Variants in RBFOX1 observed in about 807,000 individuals in gnomAD.
The protein encoded by RBFOX1 is RNA binding protein fox-1 homolog 1.
RBFOX1 carries 8 observed loss-of-function variants against 57.7 expected under a neutral mutation model. The observed-to-expected ratio is 0.14, with a 90% CI of 0.08 to 0.25. The LOEUF (loss-of-function observed/expected upper bound fraction) is 0.25, where lower values mean the gene tolerates loss of function less well. RBFOX1 is among the 10% of genes least tolerant of loss of function. The pLI is 1.00. For synonymous variants in RBFOX1, 326 were observed against 222.4 expected (o/e 1.47, Z -4.15); for missense variants, 611 against 548.5 (o/e 1.11, Z -1.14).
At chr16:5,993,340 CGTGTGTGTGTGTGTGTGTGTGTGTGTGT>C (rs58189800) in intron 4 of RBFOX1, among the ~76,000 whole-genome samples, 2 of 132,866 alleles carry the variant, frequency 1.5e-5, no homozygotes, top group East Asian at 2.3e-4. Flanking sequence ...TAATGCTGTA[CGTGTGTGTGTGTGTGTGTGTGTGTGTGT>C]GTGTGTGTGT....
At chr16:7,031,729 A>G (rs988579765) in intron 3 of RBFOX1, among the ~76,000 whole-genome samples, 9 of 152,210 alleles carry the variant, frequency 5.9e-5, no homozygotes, top group Non-Finnish European at 1.3e-4. Context: ...TTTTTAAAAT[A>G]CTATACTCTG....
intron 4 of RBFOX1, among the ~76,000 whole-genome samples, chr16:7,209,381 C>T (rs1468163891): frequency 6.6e-6 from 1 of 152,032 alleles, no homozygotes; most frequent in African/African-American, 2.4e-5. Flanking sequence ...ATAAGGACAC[C>T]AGTTAGATTA....
At chr16:6,002,412 C>A (rs1043837089) in intron 4 of RBFOX1, among the ~76,000 whole-genome samples, 1 of 152,188 alleles carries the variant, frequency 6.6e-6, no homozygotes, top group Admixed American at 6.5e-5. Context: ...TCTGGCTGTG[C>A]GTACTAGTTA....
chr16:6,790,567 A>G (rs1386966303), intron 3 of RBFOX1, among the ~76,000 whole-genome samples: 1 of 152,074 alleles, frequency 6.6e-6, no homozygotes. Flanking sequence ...TATTCCCCCA[A>G]ACCATTGTTT....
intron 4 of RBFOX1, among the ~76,000 whole-genome samples, chr16:7,265,676 T>C (rs2095101866): frequency 2.0e-5 from 3 of 152,220 alleles, no homozygotes. Flanking sequence ...CTGAAACTCC[T>C]GACCTCAGGT....
intron 3 of RBFOX1, among the ~76,000 whole-genome samples, chr16:6,768,157 A>T (rs935466530): frequency 6.6e-6 from 1 of 151,928 alleles, no homozygotes; most frequent in African/African-American, 2.4e-5. Flanking sequence ...AGATTGTAAC[A>T]CTGCACTTCA....
At chr16:5,971,793 C>T (rs367882225) in intron 4 of RBFOX1, among the ~76,000 whole-genome samples, 3 of 152,048 alleles carry the variant, frequency 2.0e-5, no homozygotes, top group Non-Finnish European at 2.9e-5. Flanking sequence ...CATGGGGTGC[C>T]CAGATATTTG....
At chr16:6,901,156 C>T (rs2068385749) in intron 3 of RBFOX1, among the ~76,000 whole-genome samples, 2 of 152,122 alleles carry the variant, frequency 1.3e-5, no homozygotes, top group African/African-American at 4.8e-5. Flanking sequence ...TCTTTCATGT[C>T]TCCCATCCTA....
chr16:5,849,371 C>T (rs1266040114), intron 3 of RBFOX1, among the ~76,000 whole-genome samples: 1 of 152,050 alleles, frequency 6.6e-6, no homozygotes, highest in Non-Finnish European at 1.5e-5. Context: ...CCATGAGGCC[C>T]TGCTTCCTCA....
At chr16:5,784,286 G>C (rs1385097772) in intron 3 of RBFOX1, among the ~76,000 whole-genome samples, 1 of 152,196 alleles carries the variant, frequency 6.6e-6, no homozygotes, top group African/African-American at 2.4e-5. Flanking sequence ...AATTAGCTGG[G>C]CGTGGTGGCT....
chr16:6,351,534 C>T (rs2086398709), intron 2 of RBFOX1, among the ~76,000 whole-genome samples: 1 of 151,566 alleles, frequency 6.6e-6, no homozygotes, highest in Non-Finnish European at 1.5e-5. Context: ...CCACCCTGCC[C>T]AGCTAACTTT....
intron 4 of RBFOX1, among the ~76,000 whole-genome samples, chr16:5,935,803 C>A (rs980757052): frequency 6.6e-6 from 1 of 152,196 alleles, no homozygotes; most frequent in African/African-American, 2.4e-5. Context: ...CATCCAATGG[C>A]TAGTTTATCT....
chr16:7,247,530 TG>T (rs2153000574), intron 4 of RBFOX1, among the ~76,000 whole-genome samples: 1 of 152,312 alleles, frequency 6.6e-6, no homozygotes, highest in African/African-American at 2.4e-5. Flanking sequence ...TAAGACCCTG[TG>T]CCTGCCACAA....
chr16:5,751,291 T>C (rs1293957019), intron 3 of RBFOX1, among the ~76,000 whole-genome samples: 3 of 152,196 alleles, frequency 2.0e-5, no homozygotes, highest in Non-Finnish European at 4.4e-5. Flanking sequence ...CTGGGCATTA[T>C]GCATTTCACT....
intron 3 of RBFOX1, among the ~76,000 whole-genome samples, chr16:6,916,050 C>G (rs1259617906): frequency 1.3e-5 from 2 of 151,964 alleles, no homozygotes; most frequent in Non-Finnish European, 2.9e-5. Context: ...GACAGAGCTC[C>G]ACACTGCTAC....
rs933875986 is a variant in RBFOX1, at chr16:7,529,576, A to G, written c.270+11187A>G. 2.0e-5 allele frequency among the ~76,000 whole-genome samples: 3 copies of G among 152,292 alleles called. No homozygotes were observed. In the East Asian group the frequency reaches 5.8e-4, roughly 29 times the overall value. On this transcript the variant is annotated intron_variant, in intron 5 of 15. Coordinates refer to ENST00000550418, the MANE Select transcript of RBFOX1 (RefSeq NM_018723.4). ...ACATATTTCCACTGCAAATGTTTAG[A>G]TTTCTTTCTTCTTAAGAATAGCAGC...
intron 4 of RBFOX1, among the ~76,000 whole-genome samples, chr16:7,278,051 C>T (rs1016974743): frequency 1.3e-5 from 2 of 151,984 alleles, no homozygotes; most frequent in Admixed American, 6.6e-5. Flanking sequence ...GCTAGCATTG[C>T]CTATCATTCA....
At chr16:7,243,622 A>T (rs1395110330) in intron 4 of RBFOX1, among the ~76,000 whole-genome samples, 1 of 152,114 alleles carries the variant, frequency 6.6e-6, no homozygotes, top group Non-Finnish European at 1.5e-5. Context: ...ATAATAGCTC[A>T]CTATAGCCTC....
At chr16:5,725,145 C>A (rs769723545) in intron 3 of RBFOX1, among the ~76,000 whole-genome samples, 1 of 152,146 alleles carries the variant, frequency 6.6e-6, no homozygotes, top group Non-Finnish European at 1.5e-5. Flanking sequence ...AGGCCTGATA[C>A]CTGTTGCAGA....
Sources: allele counts gnomAD v4.1 joint callset (sites outside exome capture counted in the v4.1 genomes callset), GRCh38; gene constraint gnomAD v4.1.1; transcripts MANE v1.5; gene names NCBI Gene and HGNC (gene_info 2026-07-23, HGNC 2026-07-21).